The following CDH13 variants were observed in gnomAD, a reference collection of about 807,000 sequenced individuals.
The protein encoded by CDH13 is cadherin 13.
In CDH13, 24 loss-of-function variants were observed where a neutral mutation model predicts 63.8. The observed-to-expected ratio is 0.38, with a 90% CI of 0.27 to 0.53. The LOEUF (loss-of-function observed/expected upper bound fraction) is 0.53, where lower values mean the gene tolerates loss of function less well. Ranked by LOEUF, CDH13 falls within the 20% of genes least tolerant of loss-of-function variation. The pLI, the probability that CDH13 is intolerant of heterozygous loss-of-function variation, is 0.85. For missense variants in CDH13, 1,049 were observed against 903.1 expected (o/e 1.16, Z -2.07); for synonymous variants, 503 against 355.3 (o/e 1.42, Z -4.67).
At chr16:83,420,750 C>T (rs533095690) in intron 6 of CDH13, among the ~76,000 whole-genome samples, 1 of 152,288 alleles carries the variant, frequency 6.6e-6, no homozygotes, top group Admixed American at 6.5e-5. Context: ...CAGTCCGAAT[C>T]CGAGAGCCCC....
rs115115410 is a variant in CDH13 at position 83,444,220 on chromosome 16, A to G, written c.782-42257A>G. Among the ~76,000 whole-genome samples the G allele has an allele frequency of 9.0e-3, 1,371 of 152,250 alleles. 18 individuals carry two copies. Among genetic ancestry groups the G allele is most frequent in the African/African-American group, 0.032 (1,316 of 41,532 alleles). ...AATGATGATGATGATAATGATGACC[A>G]TAGTAATGATGATGATGATGACGAT... On this transcript the variant is annotated intron_variant, in intron 6 of 13. Transcript: ENST00000567109.
chr16:82,834,538 C>T (rs1360318569), intron 1 of CDH13, among the ~76,000 whole-genome samples: 2 of 149,592 alleles, frequency 1.3e-5, no homozygotes, highest in Non-Finnish European at 2.9e-5. Context: ...AGAACACAAG[C>T]TTTGCAGCCA....
intron 6 of CDH13, among the ~76,000 whole-genome samples, chr16:83,345,380 G>A (rs1213401844): frequency 6.6e-6 from 1 of 152,202 alleles, no homozygotes; most frequent in Non-Finnish European, 1.5e-5. Context: ...AAACTCCTCA[G>A]TTCTTTCTTT....
intron 2 of CDH13, among the ~76,000 whole-genome samples, chr16:83,007,443 A>T (rs1289540818): frequency 2.5e-4 from 38 of 152,216 alleles, no homozygotes; most frequent in Non-Finnish European, 5.9e-5. Context: ...TTTTATCCAG[A>T]ATCAAATCTG....
At chr16:82,956,373 C>G (rs1250409222) in intron 2 of CDH13, among the ~76,000 whole-genome samples, 1 of 152,114 alleles carries the variant, frequency 6.6e-6, no homozygotes, top group South Asian at 2.1e-4. Context: ...AATTTCTGCT[C>G]CAAATGGCAG....
intron 7 of CDH13, among the ~76,000 whole-genome samples, chr16:83,600,102 C>T (rs2150747757): frequency 6.6e-6 from 1 of 152,230 alleles, no homozygotes; most frequent in South Asian, 2.1e-4. Flanking sequence ...CCAACGAAAC[C>T]AGCCAGGAGC....
intron 8 of CDH13, among the ~76,000 whole-genome samples, chr16:83,654,542 A>T (rs1343158372): frequency 2.0e-5 from 3 of 152,094 alleles, no homozygotes; most frequent in African/African-American, 7.2e-5. Context: ...AGGTCAGACG[A>T]AGAATCCTGC....
At chr16:83,035,576 A>C (rs1335971291) in intron 3 of CDH13, among the ~76,000 whole-genome samples, 1 of 152,146 alleles carries the variant, frequency 6.6e-6, no homozygotes, top group Non-Finnish European at 1.5e-5. Context: ...AATGAATAAC[A>C]AGCTGGATGG....
intron 7 of CDH13, among the ~76,000 whole-genome samples, chr16:83,552,400 C>G (rs1335328736): frequency 6.6e-6 from 1 of 152,152 alleles, no homozygotes; most frequent in African/African-American, 2.4e-5. Context: ...ACTGTCAGTT[C>G]CAGTGGAGGA....
chr16:83,314,037 T>G (rs1215912826), intron 5 of CDH13, among the ~76,000 whole-genome samples: 1 of 152,238 alleles, frequency 6.6e-6, no homozygotes, highest in Non-Finnish European at 1.5e-5. Flanking sequence ...TATATCAACT[T>G]AAACTCTTAC....
intron 1 of CDH13, among the ~76,000 whole-genome samples, chr16:82,669,402 A>T (rs1278970806): frequency 6.6e-6 from 1 of 152,230 alleles, no homozygotes; most frequent in Non-Finnish European, 1.5e-5. Context: ...ACATTGATAA[A>T]GTCTACAGAG....
chr16:83,592,566 T>A (rs552729349), intron 7 of CDH13, among the ~76,000 whole-genome samples: 1 of 152,190 alleles, frequency 6.6e-6, no homozygotes, highest in Non-Finnish European at 1.5e-5. Context: ...CAGCAGAAGA[T>A]GCACACATTG....
intron 6 of CDH13, among the ~76,000 whole-genome samples, chr16:83,414,486 C>G (rs140686296): frequency 0.015 from 2,294 of 152,228 alleles, 25 homozygotes; most frequent in Non-Finnish European, 0.02. Flanking sequence ...AGTATTGACT[C>G]TAGGTACAGC....
At chr16:82,840,537 C>T (rs1418368057) in intron 1 of CDH13, among the ~76,000 whole-genome samples, 2 of 151,598 alleles carry the variant, frequency 1.3e-5, no homozygotes, top group Admixed American at 1.3e-4. Flanking sequence ...ACGAAAGAAA[C>T]AGCCAGGTAT....
chr16:82,682,228 G>A (rs997257376), intron 1 of CDH13, among the ~76,000 whole-genome samples: 1 of 152,274 alleles, frequency 6.6e-6, no homozygotes, highest in African/African-American at 2.4e-5. Flanking sequence ...AATCCCCTAG[G>A]GAAAGTGCTA....
chr16:83,336,055 C>T (rs947297427), intron 5 of CDH13, among the ~76,000 whole-genome samples: 4 of 152,018 alleles, frequency 2.6e-5, no homozygotes, highest in Admixed American at 6.6e-5. Flanking sequence ...AATCTCAGCA[C>T]TTTGGGTGCC....
intron 5 of CDH13, among the ~76,000 whole-genome samples, chr16:83,238,188 G>T (rs1336115639): frequency 1.3e-5 from 2 of 151,070 alleles, no homozygotes; most frequent in Non-Finnish European, 2.9e-5. Context: ...TTTTCATACT[G>T]CTATGAAGAA....
chr16:82,988,566 T>C (rs1597365619), intron 2 of CDH13, among the ~76,000 whole-genome samples: 2 of 151,784 alleles, frequency 1.3e-5, no homozygotes, highest in Non-Finnish European at 2.9e-5. Flanking sequence ...GTTCGAGACC[T>C]GCCTGGCCAA....
chr16:83,523,747 A>T (rs1052862955), intron 7 of CDH13, among the ~76,000 whole-genome samples: 3 of 152,206 alleles, frequency 2.0e-5, no homozygotes, highest in African/African-American at 7.2e-5. Context: ...TATCTTCCCC[A>T]TTCTGTGGCA....
Sources: allele counts gnomAD v4.1 joint callset (sites outside exome capture counted in the v4.1 genomes callset), GRCh38; gene constraint gnomAD v4.1.1; transcripts MANE v1.5; gene names NCBI Gene and HGNC (gene_info 2026-07-23, HGNC 2026-07-21).